The following SLC28A2 variants were observed in gnomAD, a reference collection of about 807,000 sequenced individuals.
SLC28A2 encodes sodium/nucleoside cotransporter 2.
A neutral mutation model predicts 72.9 loss-of-function variants in SLC28A2; 69 were observed. That is an observed-to-expected ratio of 0.95 (90% CI 0.78 to 1.16). The LOEUF (loss-of-function observed/expected upper bound fraction) is 1.16. Among genes scored for constraint, SLC28A2 ranks in the 50% most tolerant of loss-of-function variants. SLC28A2 has a pLI of 0.00. For missense variants in SLC28A2, 745 were observed against 791.1 expected, an observed-to-expected ratio of 0.94 and a Z score of 0.70; for synonymous variants, 296 against 294.1, an observed-to-expected ratio of 1.01 and a Z score of -0.07.
rs779151851 is a variant in SLC28A2 at position 45,265,700 on chromosome 15, T to G, written c.861+37T>G. On this transcript the variant is annotated intron_variant, in intron 9 of 17. Coordinates refer to ENST00000347644, the MANE Select transcript of SLC28A2 (RefSeq NM_004212.4). Reference sequence around the variant, plus strand: ...TCTTACACCAGTCAGGAGACAGGCCTTCATCCTGTCATCAGTCAGCTTTGG... The same window carrying G: ...TCTTACACCAGTCAGGAGACAGGCCGTCATCCTGTCATCAGTCAGCTTTGG... 2.2e-6 allele frequency: 3 copies of G among 1,357,008 alleles called. No individual in the cohort carries two copies. The South Asian group carries it at 3.5e-5, about 16-fold the overall frequency. 84.1% of individuals were successfully genotyped at this position (1,357,008 alleles called of 1,614,324 possible). A position where few individuals can be genotyped will look rare whatever the true frequency, so the allele number is the denominator to read the frequency against.
At chr15:45,264,135 C>T (rs529040740) in intron 6 of SLC28A2, 113 bp downstream of exon 6, 1 of 1,017,834 alleles carries the variant, frequency 9.8e-7, no homozygotes, top group East Asian at 2.7e-5. Context: ...TAGTTCATAA[C>T]AACCCCTAGA....
chr15:45,260,987 G>A (rs1900144451), intron 3 of SLC28A2, among the ~76,000 whole-genome samples: 1 of 152,212 alleles, frequency 6.6e-6, no homozygotes, highest in African/African-American at 2.4e-5. Flanking sequence ...CTAGGAACTG[G>A]GAGTGTGTTA....
At chr15:45,257,103 A>G (rs1170867373) in intron 3 of SLC28A2, among the ~76,000 whole-genome samples, 3 of 152,174 alleles carry the variant, frequency 2.0e-5, no homozygotes, top group Non-Finnish European at 4.4e-5. Flanking sequence ...TCCTGCCTCC[A>G]TGTCATGCAT....
At chr15:45,266,215 G>A (rs542614807) in intron 10 of SLC28A2, 54 bp downstream of exon 10, 3 of 1,279,666 alleles carry the variant, frequency 2.3e-6, no homozygotes, top group Admixed American at 1.7e-5. Context: ...TGAGAATTTG[G>A]CACAAAACAA....
intron 10 of SLC28A2, 135 bp downstream of exon 10, chr15:45,266,296 C>T (rs933888730): frequency 1.5e-6 from 1 of 677,084 alleles, no homozygotes; most frequent in Non-Finnish European, 2.7e-6. Flanking sequence ...TGAGAGATAA[C>T]TCAGCAGCTC....
At chr15:45,266,294 A>G in intron 10 of SLC28A2, 133 bp downstream of exon 10, 1 of 685,966 alleles carries the variant, frequency 1.5e-6, no homozygotes, top group Non-Finnish European at 2.6e-6. Flanking sequence ...GATGAGAGAT[A>G]ACTCAGCAGC....
rs1409377894 is a variant in SLC28A2 at position 45,267,563 on chromosome 15, G to A, written c.1051G>A (p.Ala351Thr). Reference sequence around the variant, plus strand: ...CACCATTTCTGGCACTGTGCTGGGAGCCTTCATAGCCTTTGGGGTAGGCAT... The same window carrying A: ...CACCATTTCTGGCACTGTGCTGGGAACCTTCATAGCCTTTGGGGTAGGCAT... Reference protein sequence around the residue: ...FATISGTVLGAFIAFGVDASS... With the variant: ...FATISGTVLGTFIAFGVDASS... Residue 351 changes from alanine (A) to threonine (T), a missense_variant, in exon 11 of 18, where the codon GCC (alanine) becomes ACC (threonine). Physicochemically the swap from Ala to Thr is moderately conservative, Grantham distance 58 (BLOSUM62 0). Coordinates refer to ENST00000347644, the MANE Select transcript of SLC28A2 (RefSeq NM_004212.4). 1 of 1,614,164 alleles carries A rather than the reference G, an allele frequency of 6.2e-7. No homozygotes were observed. Among genetic ancestry groups the A allele is most frequent in the Admixed American group, 1.7e-5 (1 of 60,020 alleles).
chr15:45,266,248 G>A (rs1900333458), intron 10 of SLC28A2, 87 bp downstream of exon 10: 11 of 990,568 alleles, frequency 1.1e-5, no homozygotes, highest in African/African-American at 1.6e-5. Context: ...CTTCTGAAAA[G>A]TCAAATAAAT....
intron 3 of SLC28A2, among the ~76,000 whole-genome samples, chr15:45,260,931 C>T (rs1309419285): frequency 6.6e-6 from 1 of 152,152 alleles, no homozygotes; most frequent in African/African-American, 2.4e-5. Context: ...GTTGGGCTTC[C>T]TGCAGAAGGG....
intron 4 of SLC28A2, among the ~76,000 whole-genome samples, chr15:45,262,343 A>G (rs1171350681): frequency 6.6e-6 from 1 of 152,242 alleles, no homozygotes; most frequent in Non-Finnish European, 1.5e-5. Context: ...TGGATTTAAA[A>G]TATTTCAGAG....
rs1899926592 is a variant in SLC28A2 at position 45,254,896 on chromosome 15, C to T, written c.170+1376C>T. Reference sequence around the variant, plus strand: ...TTCATATTTTACTTAGCAGTGTGGCCGTTAATCATGTGAGTCACATTGCTT... The same window carrying T: ...TTCATATTTTACTTAGCAGTGTGGCTGTTAATCATGTGAGTCACATTGCTT... On this transcript the variant is annotated intron_variant, in intron 3 of 17. Coordinates refer to ENST00000347644, the MANE Select transcript of SLC28A2 (RefSeq NM_004212.4). Among the ~76,000 whole-genome samples the T allele has an allele frequency of 2.0e-5, 3 of 151,972 alleles. No individual in the cohort carries two copies. In the South Asian group the frequency reaches 6.2e-4, roughly 32 times the overall value.
chr15:45,252,268 C>T lies in SLC28A2; in HGVS notation c.-27C>T, dbSNP rs1369904553. On this transcript the variant is annotated 5_prime_UTR_variant, in exon 1 of 18. Transcript: ENST00000347644. ...CTGAGGAGCCAGAGGGAATCAATTC[C>T]ACAAGCTGGGGTAAGTAAAGGTGTT... 1 of 455,902 alleles carries T rather than the reference C, an allele frequency of 2.2e-6. No homozygotes were observed. The highest frequency in any genetic ancestry group is 1.5e-5 in the South Asian group (1 of 64,556). The allele number at this position is 455,902 out of a possible 1,614,324, so 28.2% of individuals were successfully genotyped here.
intron 15 of SLC28A2, chr15:45,272,093 A>G (rs1299342574): frequency 3.7e-6 from 2 of 535,874 alleles, no homozygotes; most frequent in Admixed American, 3.4e-5. Context: ...ATCTGAGGAA[A>G]GTCTAAGTTA....
At chr15:45,271,574 AG>A (rs1900570160) in intron 15 of SLC28A2, among the ~76,000 whole-genome samples, 1 of 139,062 alleles carries the variant, frequency 7.2e-6, no homozygotes, top group Non-Finnish European at 1.6e-5. Context: ...GAAAAAAAGA[AG>A]AAAAGGAAGG....
intron 15 of SLC28A2, 73 bp from the exon 16 acceptor site, chr15:45,272,222 G>C (rs2140583137): frequency 8.5e-7 from 1 of 1,175,138 alleles, no homozygotes; most frequent in Non-Finnish European, 1.2e-6. Context: ...GTTCTTCTAA[G>C]TGGGGGCCCA....
rs1899858739 is a variant in SLC28A2 at position 45,253,275 on chromosome 15, G to A, written c.60G>A (p.Val20=). The A allele has an allele frequency of 1.2e-6, 2 of 1,613,532 alleles. No homozygotes were observed. The highest frequency in any genetic ancestry group is 1.3e-5 in the African/African-American group (1 of 74,916). The change falls in exon 2 of 18, where the codon GTG becomes GTA. Residue 20 remains valine (V), a synonymous_variant. Coordinates refer to ENST00000347644, the MANE Select transcript of SLC28A2 (RefSeq NM_004212.4). ...TGTCCACAGTGGAGACTGGCACAGT[G>A]AACCCGGGGCTGGAGCTCATGGTAA... ...IALSTVETGT[V]NPGLELMEKE...
chr15:45,274,405 G>A (rs1274634401), intron 17 of SLC28A2, among the ~76,000 whole-genome samples: 2 of 152,126 alleles, frequency 1.3e-5, no homozygotes, highest in African/African-American at 4.8e-5. Flanking sequence ...AGCTACCTGG[G>A]GAGGCTGAGG....
chr15:45,260,655 A>G (rs12901747), intron 3 of SLC28A2, among the ~76,000 whole-genome samples: 109,696 of 151,958 alleles, frequency 0.72, 40,858 homozygotes, highest in Middle Eastern at 0.79. Flanking sequence ...CTAGCTACTC[A>G]GAAGGCTGAG....
chr15:45,275,177 GCGCAAAGGAACAGA>G (rs1344395509), intron 17 of SLC28A2, among the ~76,000 whole-genome samples: 4 of 152,178 alleles, frequency 2.6e-5, no homozygotes, highest in African/African-American at 9.7e-5. Flanking sequence ...GTTAGGAGTT[GCGCAAAGGAACAGA>G]CACACATGGT....
Sources: gnomAD v4.1 joint callset for allele counts (sites outside exome capture counted in the v4.1 genomes callset) on GRCh38, gnomAD v4.1.1 for gene constraint, MANE v1.5 for transcripts, NCBI Gene and HGNC (gene_info 2026-07-23, HGNC 2026-07-21) for gene names.